Variants in ADGRD1 observed in about 807,000 individuals in gnomAD.
ADGRD1 encodes adhesion G protein-coupled receptor D1.
A neutral mutation model predicts 113.4 loss-of-function variants in ADGRD1; 77 were observed. The observed-to-expected ratio is 0.68, with a 90% CI of 0.57 to 0.82. The LOEUF is 0.82. Ranked by LOEUF, ADGRD1 falls within the 40% of genes least tolerant of loss-of-function variation. The probability of loss-of-function intolerance (pLI) is 0.00; values close to 1 mark genes in which losing one functional copy is unlikely to be tolerated. For missense variants in ADGRD1, 1,036 were observed against 1,139.1 expected (o/e 0.91, Z 1.30); for synonymous variants, 474 against 475.0 (o/e 1.00, Z 0.03).
At chr12:131,044,305 G>A (rs1438289018) in intron 13 of ADGRD1, among the ~76,000 whole-genome samples, 1 of 152,176 alleles carries the variant, frequency 6.6e-6, no homozygotes, top group African/African-American at 2.4e-5. Flanking sequence ...AAAGCATCGG[G>A]GCCGAGGAGG....
intron 13 of ADGRD1, among the ~76,000 whole-genome samples, chr12:131,014,826 A>G (rs1221897421): frequency 1.3e-5 from 2 of 152,190 alleles, no homozygotes; most frequent in Admixed American, 1.3e-4. Context: ...TCCTCTCCAC[A>G]TGTCGTTTGT....
At chr12:131,079,548 A>C (rs1397036859) in intron 14 of ADGRD1, among the ~76,000 whole-genome samples, 1 of 152,210 alleles carries the variant, frequency 6.6e-6, no homozygotes, top group African/African-American at 2.4e-5. Context: ...TAGTCTGTAT[A>C]GAATTGATAT....
At position 130,982,019 on chromosome 12, in the gene ADGRD1, C is replaced by T. The variant is rs1283718822; in HGVS notation, c.446C>T (p.Thr149Met). 2.5e-6 allele frequency: 4 copies of T among 1,613,974 alleles called. No individual in the cohort carries two copies. The highest frequency in any genetic ancestry group is 2.2e-5 in the East Asian group (1 of 44,882). Residue 149 changes from threonine to methionine, a missense_variant, in exon 5 of 25, where the codon ACG (threonine) becomes ATG (methionine). Transcript: ENST00000261654. ...SGGRGSVELY[T>M]RDNSMTWEAS... Reference sequence around the variant, plus strand: ...GGCAGAGGCTCTGTGGAGCTGTATACGCGGGACAATTCCATGACATGGGAG... The same window carrying T: ...GGCAGAGGCTCTGTGGAGCTGTATATGCGGGACAATTCCATGACATGGGAG...
chr12:130,957,162 A>G (rs968473709), intron 2 of ADGRD1: 1 of 152,432 alleles, frequency 6.6e-6, no homozygotes, highest in Non-Finnish European at 1.5e-5. Context: ...ACACATGTCT[A>G]CGTGCATCAA....
Position 131,139,210 on chromosome 12 carries a change from C to G in ADGRD1, c.2572C>G (p.Pro858Ala). 6.2e-7 allele frequency: 1 copy of G among 1,613,008 alleles called. No homozygotes were observed. The highest frequency in any genetic ancestry group is 8.5e-7 in the Non-Finnish European group (1 of 1,179,872). Residue 858 changes from proline to alanine, a missense_variant, in exon 25 of 25, where the codon CCT becomes GCT. Transcript: ENST00000261654. ...RPGMASTKLS[P>A]WDKSSHSAHR... Reference sequence around the variant, plus strand: ...AGGCATGGCCTCCACCAAGCTCAGCCCTTGGGACAAGAGCAGCCACTCTGC... The same window carrying G: ...AGGCATGGCCTCCACCAAGCTCAGCGCTTGGGACAAGAGCAGCCACTCTGC...
intron 4 of ADGRD1, 53 bp from the exon 5 acceptor site, chr12:130,981,831 A>G: frequency 8.1e-7 from 1 of 1,236,790 alleles, no homozygotes. Flanking sequence ...TGTGCTTGCG[A>G]GAAGTCAAGT....
chr12:130,980,817 C>A (rs1185278852), intron 4 of ADGRD1: 2 of 152,240 alleles, frequency 1.3e-5, no homozygotes, highest in Non-Finnish European at 2.9e-5. Context: ...GGTACAATAT[C>A]TAATTGTCAT....
chr12:131,105,636 C>G (rs1280217581), intron 16 of ADGRD1, 118 bp from the exon 17 acceptor site: 1 of 706,188 alleles, frequency 1.4e-6, no homozygotes, highest in Admixed American at 2.3e-5. Context: ...GGAGTGACAG[C>G]AACCCCTCTG....
At chr12:130,997,321 C>T (rs1875668146) in intron 8 of ADGRD1, among the ~76,000 whole-genome samples, 1 of 150,940 alleles carries the variant, frequency 6.6e-6, no homozygotes, top group African/African-American at 2.4e-5. Flanking sequence ...CCACCTCCCT[C>T]CCGGACGGGG....
rs1228594844 is a variant in ADGRD1, at chr12:131,120,878, T to A, written c.2140T>A (p.Trp714Arg). The change falls in exon 20 of 25, where the codon TGG becomes AGG. Residue 714 changes from tryptophan (W) to arginine (R), a missense_variant. Transcript: ENST00000261654. ...GCTGTCGTTGGCGAGTGGCGCCATC[T>A]GGGCCTTTGTAGCCCCTGCCCTGTT... ...CWLSLASGAI[W>R]AFVAPALFVI... 1 of 1,614,124 alleles carries A rather than the reference T, an allele frequency of 6.2e-7. No homozygotes were observed. The highest frequency in any genetic ancestry group is 1.3e-5 in the African/African-American group (1 of 74,954).
chr12:131,020,037 C>T (rs1197638826), intron 13 of ADGRD1, among the ~76,000 whole-genome samples: 9 of 123,518 alleles, frequency 7.3e-5, no homozygotes, highest in African/African-American at 2.5e-4. Context: ...AGGGGGTGCT[C>T]GAGGGAGATG....
At chr12:131,061,183 G>A (rs576450030) in intron 13 of ADGRD1, among the ~76,000 whole-genome samples, 76 of 152,294 alleles carry the variant, frequency 5.0e-4, no homozygotes, top group African/African-American at 1.8e-3. Context: ...GATGCCTATG[G>A]CCCCCAAAAG....
intron 20 of ADGRD1, among the ~76,000 whole-genome samples, chr12:131,131,416 A>G (rs1030019944): frequency 6.6e-6 from 1 of 152,326 alleles, no homozygotes; most frequent in South Asian, 2.1e-4. Context: ...CCAGGGTCAC[A>G]CTAACGAAGC....
chr12:131,086,833 C>T (rs1167945992), intron 15 of ADGRD1, among the ~76,000 whole-genome samples: 3 of 152,220 alleles, frequency 2.0e-5, no homozygotes, highest in African/African-American at 7.2e-5. Context: ...AAAATGCATG[C>T]TTGATGTCAC....
chr12:131,012,383 G>A (rs906069598), intron 12 of ADGRD1, among the ~76,000 whole-genome samples: 6 of 151,796 alleles, frequency 4.0e-5, no homozygotes, highest in African/African-American at 7.3e-5. Flanking sequence ...TCGAGCAGTC[G>A]CGTCTGTTGT....
Position 130,963,442 on chromosome 12 carries a change from C to A in ADGRD1, c.104-3021C>A, listed in dbSNP as rs77298075. Among the ~76,000 whole-genome samples the A allele has an allele frequency of 8.6e-3, 1,307 of 152,000 alleles. 21 individuals are homozygous for A. Among genetic ancestry groups the A allele is most frequent in the African/African-American group, 0.03 (1,236 of 41,466 alleles). On this transcript the variant is annotated intron_variant, in intron 2 of 24. Coordinates refer to ENST00000261654, the MANE Select transcript of ADGRD1 (RefSeq NM_198827.5). ...CTTTTCGATTTCTTCACTCCCAAAA[C>A]AGCAGTATTGGTTTCTGCAGTATCT...
chr12:131,101,232 T>C (rs1270473172), intron 15 of ADGRD1, among the ~76,000 whole-genome samples: 1 of 151,816 alleles, frequency 6.6e-6, no homozygotes, highest in Non-Finnish European at 1.5e-5. Context: ...GGTGGAGACC[T>C]GTGTGGGGTG....
At chr12:131,122,393 G>A (rs920667136) in intron 20 of ADGRD1, among the ~76,000 whole-genome samples, 27 of 152,070 alleles carry the variant, frequency 1.8e-4, no homozygotes, top group African/African-American at 6.3e-4. Flanking sequence ...TGAGCTCTTA[G>A]GGTCTGGGGG....
intron 11 of ADGRD1, among the ~76,000 whole-genome samples, chr12:131,004,783 A>T (rs1876878026): frequency 6.6e-6 from 1 of 152,184 alleles, no homozygotes; most frequent in African/African-American, 2.4e-5. Flanking sequence ...TGCAGGCCTC[A>T]GTCGAGTCAC....
Sources: allele counts gnomAD v4.1 joint callset (sites outside exome capture counted in the v4.1 genomes callset), GRCh38; gene constraint gnomAD v4.1.1; transcripts MANE v1.5; gene names NCBI Gene and HGNC (gene_info 2026-07-23, HGNC 2026-07-21).